The following RANBP17 variants were observed in gnomAD, a reference collection of about 807,000 sequenced individuals.
RANBP17 encodes the protein RAN binding protein 17.
Under a neutral mutation model 141.2 loss-of-function variants are expected in RANBP17, and 158 were observed. The observed-to-expected ratio is 1.12, with a 90% CI of 0.98 to 1.28. The LOEUF (loss-of-function observed/expected upper bound fraction) is 1.28, where lower values mean the gene tolerates loss of function less well. Ranked by LOEUF, RANBP17 falls within the 50% of genes most tolerant of loss-of-function variation. The pLI, the probability that RANBP17 is intolerant of heterozygous loss-of-function variation, is 0.00. For missense variants in RANBP17, 1,438 were observed against 1,290.7 expected, an observed-to-expected ratio of 1.11 and a Z score of -1.75; for synonymous variants, 430 against 450.0, an observed-to-expected ratio of 0.96 and a Z score of 0.56.
At chr5:171,161,084 G>A (rs929150857) in intron 14 of RANBP17, among the ~76,000 whole-genome samples, 11 of 152,166 alleles carry the variant, frequency 7.2e-5, no homozygotes, top group African/African-American at 2.7e-4. Context: ...GAGCCACCGC[G>A]CCCGGCTGAG....
intron 14 of RANBP17, chr5:171,029,185 G>T: frequency 5.2e-6 from 1 of 193,670 alleles, no homozygotes; most frequent in Non-Finnish European, 1.1e-5. Flanking sequence ...CTTATTAAAT[G>T]ATTCCATTCT....
chr5:171,292,920 C>T lies in RANBP17; in HGVS notation c.2944-963C>T, dbSNP rs551824040. On this transcript the variant is annotated intron_variant, in intron 25 of 27. Transcript: ENST00000523189. ...TCCCCACTACCATCAGGATGAAATCCAGATTCCTCAGCAGGGTCTTCCAGT... is the reference window on the plus strand; with the variant it reads ...TCCCCACTACCATCAGGATGAAATCTAGATTCCTCAGCAGGGTCTTCCAGT... Among the ~76,000 whole-genome samples the T allele has an allele frequency of 4.6e-5, 7 of 152,232 alleles. No individual in the cohort carries two copies. The East Asian group carries it at 1.4e-3, about 29-fold the overall frequency.
chr5:171,275,536 C>CT (rs1327408734), intron 25 of RANBP17, among the ~76,000 whole-genome samples: 9 of 152,094 alleles, frequency 5.9e-5, no homozygotes, highest in Non-Finnish European at 8.8e-5. Flanking sequence ...CCACAATGTG[C>CT]TTTTTCAGGT....
At chr5:171,284,045 T>C (rs966286075) in intron 25 of RANBP17, among the ~76,000 whole-genome samples, 2 of 152,248 alleles carry the variant, frequency 1.3e-5, no homozygotes. Context: ...GGTGACTGTT[T>C]AGTAACGTGG....
intron 14 of RANBP17, among the ~76,000 whole-genome samples, chr5:171,155,393 A>C (rs1561712247): frequency 6.6e-6 from 1 of 152,034 alleles, no homozygotes; most frequent in Non-Finnish European, 1.5e-5. Context: ...ATATCATTTA[A>C]TATCAACTAC....
chr5:171,087,078 C>T (rs1785722256), intron 14 of RANBP17, among the ~76,000 whole-genome samples: 1 of 133,094 alleles, frequency 7.5e-6, no homozygotes, highest in South Asian at 2.8e-4. Flanking sequence ...TTGGATCTTT[C>T]CTGCTTTCTC....
At chr5:170,913,751 G>T (rs900238316) in intron 7 of RANBP17, among the ~76,000 whole-genome samples, 2 of 123,570 alleles carry the variant, frequency 1.6e-5, no homozygotes, top group African/African-American at 5.2e-5. Flanking sequence ...AATAGTATAC[G>T]CTATTATTTG....
chr5:170,909,760 A>G lies in RANBP17; in HGVS notation c.589A>G (p.Lys197Glu), dbSNP rs199794174. The change falls in exon 6 of 28, where the codon AAA (lysine) becomes GAA (glutamate). Residue 197 changes from lysine to glutamate, a missense_variant. Coordinates refer to ENST00000523189, the MANE Select transcript of RANBP17 (RefSeq NM_022897.5). ...DVLVLACSLL[K>E]EVFAKPLNLQ... ...TTTAGTGCTAGCATGCTCTCTTTTA[A>G]AAGAGGTAAGTTATTTGATAATTCA... 2.1e-5 allele frequency: 30 copies of G among 1,457,386 alleles called. No homozygotes were observed. In the African/African-American group the frequency reaches 3.9e-4, roughly 19 times the overall value. The allele number at this position is 1,457,386 out of a possible 1,614,324, so 90.3% of individuals were successfully genotyped here. A position where few individuals can be genotyped will look rare whatever the true frequency, so the allele number is the denominator to read the frequency against.
intron 22 of RANBP17, among the ~76,000 whole-genome samples, chr5:171,224,719 C>A (rs1173107492): frequency 6.6e-6 from 1 of 152,138 alleles, no homozygotes; most frequent in East Asian, 1.9e-4. Flanking sequence ...AGCATTCTTG[C>A]AAAGAAAAGC....
At chr5:170,877,991 G>A in intron 1 of RANBP17, 106 bp from the exon 2 acceptor site, 2 of 729,580 alleles carry the variant, frequency 2.7e-6, no homozygotes, top group East Asian at 5.9e-5. Context: ...AACATGTATT[G>A]AATTAATGAA....
In RANBP17 at chr5:171,016,767, T is replaced by A. The variant is rs368539100; in HGVS notation, c.1710+48390T>A. 5.9e-5 allele frequency among the ~76,000 whole-genome samples: 9 copies of A among 152,206 alleles called. No homozygotes were observed. In the East Asian group the frequency reaches 1.7e-3, roughly 29 times the overall value. On this transcript the variant is annotated intron_variant, in intron 14 of 27. Coordinates refer to ENST00000523189, the MANE Select transcript of RANBP17 (RefSeq NM_022897.5). ...TTATTTGTTTCCCTGTGATTTATAA[T>A]ATGCATTTTTTTATGTCTTCTTTAA...
At chr5:171,093,259 TTA>T (rs1208257574) in intron 14 of RANBP17, among the ~76,000 whole-genome samples, 1 of 152,148 alleles carries the variant, frequency 6.6e-6, no homozygotes, top group Non-Finnish European at 1.5e-5. Flanking sequence ...CGGACAGGTT[TTA>T]TATATGATCT....
At chr5:171,094,890 G>A (rs113288219) in intron 14 of RANBP17, among the ~76,000 whole-genome samples, 7 of 152,130 alleles carry the variant, frequency 4.6e-5, no homozygotes, top group Non-Finnish European at 8.8e-5. Context: ...CCCAAAGTTT[G>A]TGTGTTTGAA....
chr5:171,172,369 CT>C (rs1179339146), intron 16 of RANBP17, among the ~76,000 whole-genome samples: 1 of 151,638 alleles, frequency 6.6e-6, no homozygotes, highest in African/African-American at 2.4e-5. Flanking sequence ...TTTCAGGATT[CT>C]TTTTATTATT....
chr5:171,183,722 A>T (rs1167204556), intron 18 of RANBP17, among the ~76,000 whole-genome samples: 1 of 152,206 alleles, frequency 6.6e-6, no homozygotes, highest in Non-Finnish European at 1.5e-5. Flanking sequence ...CTATGAATCT[A>T]GGAATAATCT....
At chr5:171,242,894 A>C (rs764146913) in intron 24 of RANBP17, 74 bp downstream of exon 24, 96 of 1,349,882 alleles carry the variant, frequency 7.1e-5, no homozygotes, top group Middle Eastern at 5.5e-4. Flanking sequence ...GATTATTGAG[A>C]CTATCATCCT....
At chr5:171,247,880 A>G (rs1482482740) in intron 24 of RANBP17, among the ~76,000 whole-genome samples, 2 of 152,206 alleles carry the variant, frequency 1.3e-5, no homozygotes, top group African/African-American at 2.4e-5. Context: ...ACAAATACAC[A>G]TGCCAAAAAA....
intron 22 of RANBP17, among the ~76,000 whole-genome samples, chr5:171,240,572 C>T (rs188932012): frequency 2.8e-3 from 433 of 152,124 alleles, no homozygotes; most frequent in Admixed American, 6.4e-3. Flanking sequence ...TAGTTTTATC[C>T]TACTTTTTAA....
At chr5:171,049,845 A>G (rs1219732688) in intron 14 of RANBP17, among the ~76,000 whole-genome samples, 1 of 152,196 alleles carries the variant, frequency 6.6e-6, no homozygotes, top group Non-Finnish European at 1.5e-5. Context: ...TTTTTGTACC[A>G]GTACCATGCT....
Sources: gnomAD v4.1 joint callset for allele counts (sites outside exome capture counted in the v4.1 genomes callset) on GRCh38, gnomAD v4.1.1 for gene constraint, MANE v1.5 for transcripts, NCBI Gene and HGNC (gene_info 2026-07-23, HGNC 2026-07-21) for gene names.